FRMD1: variants seen among roughly 807,000 people sequenced by gnomAD.
FRMD1 encodes the protein FERM domain containing 1, also known as FERM domain-containing protein 1.
In FRMD1, 51 loss-of-function variants were observed where a neutral mutation model predicts 54.9. The observed-to-expected ratio is 0.93, with a 90% CI of 0.74 to 1.17. The LOEUF (loss-of-function observed/expected upper bound fraction) is 1.17, where lower values mean the gene tolerates loss of function less well. Among genes scored for constraint, FRMD1 ranks in the 50% most tolerant of loss-of-function variants. The pLI is 0.00. For synonymous variants in FRMD1, 324 were observed against 306.4 expected, an observed-to-expected ratio of 1.06 and a Z score of -0.60; for missense variants, 729 against 743.0, an observed-to-expected ratio of 0.98 and a Z score of 0.22.
chr6:168,089,305 C>T (rs2115032886), intron 1 of FRMD1, among the ~76,000 whole-genome samples: 1 of 152,346 alleles, frequency 6.6e-6, no homozygotes, highest in South Asian at 2.1e-4. Flanking sequence ...GGGGCACAGT[C>T]ACTGTCAGCC....
intron 1 of FRMD1, among the ~76,000 whole-genome samples, chr6:168,077,290 G>GC (rs1800641411): frequency 6.6e-6 from 1 of 151,104 alleles, no homozygotes; most frequent in Non-Finnish European, 1.5e-5. Flanking sequence ...ATGGGGGGGG[G>GC]TTCTTGTCTA....
chr6:168,086,487 T>C (rs1562435366), upstream of FRMD1, among the ~76,000 whole-genome samples: 1 of 146,544 alleles, frequency 6.8e-6, no homozygotes, highest in Non-Finnish European at 1.5e-5. Flanking sequence ...ACATTTTCAG[T>C]GTGGACACCC....
chr6:168,074,463 ATG>A (rs751271241), intron 2 of FRMD1, among the ~76,000 whole-genome samples: 73 of 149,262 alleles, frequency 4.9e-4, no homozygotes, highest in Admixed American at 1.1e-3. Flanking sequence ...AACTGTGTGC[ATG>A]TGTGTGGTGC....
chr6:168,068,651 C>T (rs189878914), intron 2 of FRMD1, among the ~76,000 whole-genome samples: 17 of 152,278 alleles, frequency 1.1e-4, no homozygotes, highest in South Asian at 2.1e-4. Flanking sequence ...TCCAAGGATG[C>T]GGAACCCGTG....
intron 5 of FRMD1, among the ~76,000 whole-genome samples, chr6:168,064,529 C>A (rs569200276): frequency 6.6e-6 from 1 of 152,200 alleles, no homozygotes; most frequent in Admixed American, 6.5e-5. Context: ...AGGTTCACAG[C>A]CACAAGGCCC....
intron 6 of FRMD1, 50 bp from the exon 7 acceptor site, chr6:168,063,009 C>T (rs1351744533): frequency 6.7e-7 from 1 of 1,497,310 alleles, no homozygotes; most frequent in South Asian, 1.1e-5. Context: ...GGTGCTGGGC[C>T]TCACTGATGG....
chr6:168,068,593 C>A (rs1385760234), intron 2 of FRMD1, among the ~76,000 whole-genome samples: 1 of 152,112 alleles, frequency 6.6e-6, no homozygotes, highest in African/African-American at 2.4e-5. Context: ...TATTGTTGTA[C>A]TATTTATTGT....
At chr6:168,067,185 C>T in intron 3 of FRMD1, 182 bp downstream of exon 3, 1 of 681,024 alleles carries the variant, frequency 1.5e-6, no homozygotes, top group South Asian at 1.6e-5. Flanking sequence ...GGTGCCTGCC[C>T]TCTCCCACCC....
rs1268605314 is a variant in FRMD1 at position 168,059,393 on chromosome 6, G to A, written c.1343-205C>T. 6.6e-6 allele frequency among the ~76,000 whole-genome samples: 1 copy of A among 152,190 alleles called. No individual in the cohort carries two copies. Among genetic ancestry groups the A allele is most frequent in the Non-Finnish European group, 1.5e-5 (1 of 68,040 alleles). ...AACGGCCCCTTGCTGTGCAGATGCG[G>A]GATTAGCACGGTGATTCCCGCTGGG... On this transcript the variant is annotated intron_variant, in intron 9 of 10. Coordinates refer to ENST00000283309, the MANE Select transcript of FRMD1 (RefSeq NM_024919.6). This position sits in a 1 kb window ranked among gnomAD's most constrained non-coding sequence, Gnocchi z 4.4.
At chr6:168,075,431 C>T (rs958960978) in intron 1 of FRMD1, 96 bp from the exon 2 acceptor site, 6 of 963,214 alleles carry the variant, frequency 6.2e-6, no homozygotes, top group African/African-American at 4.8e-5. Context: ...ACCAGGTGGA[C>T]GACCCAGTCA....
intron 2 of FRMD1, among the ~76,000 whole-genome samples, chr6:168,070,776 C>A (rs1055204321): frequency 3.3e-5 from 5 of 152,192 alleles, no homozygotes; most frequent in African/African-American, 1.2e-4. Flanking sequence ...AGTGTGCGTG[C>A]GCGTCCTACT....
At chr6:168,065,997 G>C (rs189156173) in intron 4 of FRMD1, 2 of 1,000,050 alleles carry the variant, frequency 2.0e-6, no homozygotes, top group East Asian at 2.3e-4. Flanking sequence ...AGCAGCCCCC[G>C]TTGGTTTAGA....
chr6:168,084,963 G>A (rs996979607), upstream of FRMD1, among the ~76,000 whole-genome samples: 1 of 152,062 alleles, frequency 6.6e-6, no homozygotes, highest in African/African-American at 2.4e-5. Context: ...CTGGGGGAGG[G>A]CGGGACCCAC....
chr6:168,089,944 G>A (rs542789354), intron 1 of FRMD1, among the ~76,000 whole-genome samples: 2 of 152,246 alleles, frequency 1.3e-5, no homozygotes, highest in South Asian at 4.2e-4. Flanking sequence ...TGCCCTCCTC[G>A]CCGGCAGGAA....
intron 1 of FRMD1, chr6:168,075,703 C>T (rs1240587060): frequency 6.7e-6 from 10 of 1,484,394 alleles, no homozygotes; most frequent in Non-Finnish European, 9.2e-6. Context: ...CAAATGAATG[C>T]TTGGTTCCCC....
chr6:168,065,057 G>T lies in FRMD1; in HGVS notation c.462C>A (p.Ser154Arg). The change falls in exon 5 of 11, where the codon AGC (serine) becomes AGA (arginine). Residue 154 changes from serine to arginine, a missense_variant and splice_region_variant. Coordinates refer to ENST00000283309, the MANE Select transcript of FRMD1 (RefSeq NM_024919.6). ...AGTACAGGTGCCGTGCCCTGTGGTC[G>T]CTGGAAGGTGGCAGGGAGTGAGTTC... ...QHYVENGRVI[S>R]DHRARHLYYC... 4 of 1,597,090 alleles carry T rather than the reference G, an allele frequency of 2.5e-6. No homozygotes were observed. Among genetic ancestry groups the T allele is most frequent in the African/African-American group, 1.3e-5 (1 of 74,838 alleles).
At chr6:168,077,945 A>G (rs780049100) in intron 1 of FRMD1, among the ~76,000 whole-genome samples, 2 of 152,156 alleles carry the variant, frequency 1.3e-5, no homozygotes, top group Non-Finnish European at 2.9e-5. Flanking sequence ...AGATTTTGCC[A>G]CAAACATAGA....
rs1799463473 is a variant in FRMD1, at chr6:168,057,309, C to T, written c.1438G>A (p.Glu480Lys). 4 of 1,611,746 alleles carry T rather than the reference C, an allele frequency of 2.5e-6. No homozygotes were observed. The highest frequency in any genetic ancestry group is 1.3e-5 in the African/African-American group (1 of 74,918). ...TCGTCCAGGCCATGGCTGTGCTGCT[C>T]CTCACTGACCCCGGCTGTCATTTCC... ...IQEMTAGVSEEQHSHGLDDMQ... is the reference protein window; with the variant it reads ...IQEMTAGVSEKQHSHGLDDMQ... Residue 480 changes from glutamate to lysine, a missense_variant, in exon 11 of 11, where the codon GAG becomes AAG. By Grantham distance (56) the Glu-to-Lys change is moderately conservative. Coordinates refer to ENST00000283309, the MANE Select transcript of FRMD1 (RefSeq NM_024919.6).
upstream of FRMD1, among the ~76,000 whole-genome samples, chr6:168,086,555 G>C (rs572746682): frequency 0.011 from 813 of 76,918 alleles, 11 homozygotes; most frequent in African/African-American, 0.025. Flanking sequence ...TCTTCAGTGT[G>C]GACACCCACG....
Sources: allele counts gnomAD v4.1 joint callset (sites outside exome capture counted in the v4.1 genomes callset), GRCh38; gene constraint gnomAD v4.1.1; non-coding constraint Gnocchi (gnomAD v3.1); transcripts MANE v1.5; gene names NCBI Gene and HGNC (gene_info 2026-07-23, HGNC 2026-07-21).